The following INPP4B variants were observed in gnomAD, a reference collection of about 807,000 sequenced individuals.
INPP4B encodes inositol polyphosphate 4-phosphatase type II.
INPP4B carries 55 observed loss-of-function variants against 122.5 expected under a neutral mutation model. The observed-to-expected ratio is 0.45, with a 90% CI of 0.36 to 0.56. The LOEUF is 0.56. Among genes scored for constraint, INPP4B ranks in the 20% least tolerant of loss-of-function variants. INPP4B has a pLI of 0.00. For missense variants in INPP4B, 1,000 were observed against 1,097.7 expected (o/e 0.91, Z 1.26); for synonymous variants, 403 against 388.7 (o/e 1.04, Z -0.43).
At chr4:142,410,310 T>C (rs1017491865) in intron 5 of INPP4B, among the ~76,000 whole-genome samples, 1 of 152,230 alleles carries the variant, frequency 6.6e-6, no homozygotes, top group African/African-American at 2.4e-5. Flanking sequence ...TGAGGCACTG[T>C]GAATTGGTGG....
chr4:142,237,748 T>C (rs1363771583), intron 12 of INPP4B, 116 bp downstream of exon 12: 5 of 548,068 alleles, frequency 9.1e-6, no homozygotes, highest in Non-Finnish European at 1.5e-5. Context: ...GGTTTAGCTA[T>C]TTCACAATGC....
chr4:142,786,283 T>A (rs1407457517), intron 1 of INPP4B, among the ~76,000 whole-genome samples: 1 of 152,026 alleles, frequency 6.6e-6, no homozygotes, highest in Non-Finnish European at 1.5e-5. Flanking sequence ...TAAAACCTCA[T>A]ATTGATGGGA....
intron 24 of INPP4B, 86 bp from the exon 25 acceptor site, chr4:142,082,271 A>G: frequency 9.1e-7 from 1 of 1,102,528 alleles, no homozygotes; most frequent in Non-Finnish European, 1.2e-6. Flanking sequence ...TAGTCTAAAC[A>G]CATCAAATAT....
chr4:142,745,457 C>T (rs774743601), intron 1 of INPP4B, among the ~76,000 whole-genome samples: 2 of 151,860 alleles, frequency 1.3e-5, no homozygotes, highest in Non-Finnish European at 2.9e-5. Flanking sequence ...ATCGCCTGAC[C>T]ATTCACATGT....
chr4:142,065,788 AACT>A (rs1345974367), intron 25 of INPP4B, among the ~76,000 whole-genome samples: 4 of 152,148 alleles, frequency 2.6e-5, no homozygotes, highest in African/African-American at 9.7e-5. Context: ...ATATACTAAA[AACT>A]ACTGCATTGT....
intron 18 of INPP4B, among the ~76,000 whole-genome samples, chr4:142,128,078 T>C (rs1799431022): frequency 1.3e-5 from 2 of 152,174 alleles, no homozygotes; most frequent in African/African-American, 4.8e-5. Flanking sequence ...GCTTCAGCTC[T>C]TGACAGTTTT....
chr4:142,497,182 C>T (rs760219193), intron 2 of INPP4B, among the ~76,000 whole-genome samples: 1 of 152,006 alleles, frequency 6.6e-6, no homozygotes, highest in Non-Finnish European at 1.5e-5. Flanking sequence ...GGCCTTTTTA[C>T]CTGACACTTT....
At chr4:142,549,985 AGCCAGGT>A (rs1451281853) in intron 2 of INPP4B, among the ~76,000 whole-genome samples, 1 of 152,194 alleles carries the variant, frequency 6.6e-6, no homozygotes, top group Admixed American at 6.5e-5. Context: ...GCATTTTAAA[AGCCAGGT>A]GCATTTGAGC....
At chr4:142,381,980 C>T (rs1794265828) in intron 7 of INPP4B, among the ~76,000 whole-genome samples, 1 of 151,898 alleles carries the variant, frequency 6.6e-6, no homozygotes, top group South Asian at 2.1e-4. Flanking sequence ...GTAAGTCTTA[C>T]TATTATTTTT....
chr4:142,787,748 G>A (rs770934789), intron 1 of INPP4B, among the ~76,000 whole-genome samples: 2 of 152,014 alleles, frequency 1.3e-5, no homozygotes, highest in Admixed American at 6.6e-5. Context: ...GATAGTGACT[G>A]CCCTCCAAAA....
intron 15 of INPP4B, among the ~76,000 whole-genome samples, chr4:142,180,634 T>A (rs1830368720): frequency 6.6e-6 from 1 of 152,154 alleles, no homozygotes; most frequent in African/African-American, 2.4e-5. Flanking sequence ...TTGACTTGGA[T>A]CACACAAACT....
chr4:142,173,831 T>C (rs775610822), intron 15 of INPP4B, 22 bp from the exon 16 acceptor site: 2 of 1,594,330 alleles, frequency 1.3e-6, no homozygotes, highest in East Asian at 2.2e-5. Flanking sequence ...AAGATAAAAA[T>C]AAGTTACACA....
chr4:142,324,376 C>CT (rs1771516836), intron 7 of INPP4B, among the ~76,000 whole-genome samples: 1 of 152,154 alleles, frequency 6.6e-6, no homozygotes, highest in African/African-American at 2.4e-5. Flanking sequence ...AACAGCCTGA[C>CT]TGGCCTTTGC....
chr4:142,450,173 T>C (rs1425284879), intron 3 of INPP4B, among the ~76,000 whole-genome samples: 1 of 152,120 alleles, frequency 6.6e-6, no homozygotes, highest in Non-Finnish European at 1.5e-5. Flanking sequence ...GCTGCCCAAC[T>C]CTTGGCACCC....
At chr4:142,199,655 T>A (rs1404845447) in intron 14 of INPP4B, among the ~76,000 whole-genome samples, 1 of 152,054 alleles carries the variant, frequency 6.6e-6, no homozygotes, top group Non-Finnish European at 1.5e-5. Flanking sequence ...TCCTCAGTCT[T>A]TCATTGTCTC....
At chr4:142,442,071 T>C (rs1811845117) in intron 3 of INPP4B, among the ~76,000 whole-genome samples, 1 of 152,062 alleles carries the variant, frequency 6.6e-6, no homozygotes, top group Admixed American at 6.6e-5. Context: ...ATGAACTCAA[T>C]GTAGAAAAAG....
At chr4:142,187,798 G>C (rs780580599) in intron 15 of INPP4B, among the ~76,000 whole-genome samples, 3 of 152,102 alleles carry the variant, frequency 2.0e-5, no homozygotes, top group Non-Finnish European at 4.4e-5. Flanking sequence ...GTTTTGCGAT[G>C]TTGCTCAGGC....
At chr4:142,138,935 G>T (rs1378630106) in intron 18 of INPP4B, among the ~76,000 whole-genome samples, 2 of 152,088 alleles carry the variant, frequency 1.3e-5, no homozygotes, top group African/African-American at 2.4e-5. Flanking sequence ...TAAAGATTTT[G>T]CTCATCTTTT....
intron 2 of INPP4B, among the ~76,000 whole-genome samples, chr4:142,610,068 C>T (rs990705634): frequency 2.0e-5 from 3 of 152,078 alleles, no homozygotes; most frequent in Non-Finnish European, 2.9e-5. Context: ...TGTGTCCCCA[C>T]CCAAATCTCA....
Sources: allele counts gnomAD v4.1 joint callset (sites outside exome capture counted in the v4.1 genomes callset), GRCh38; gene constraint gnomAD v4.1.1; transcripts MANE v1.5; gene names NCBI Gene and HGNC (gene_info 2026-07-23, HGNC 2026-07-21).